EPB41L4B: variants seen among roughly 807,000 people sequenced by gnomAD.
EPB41L4B encodes the protein erythrocyte membrane protein band 4.1 like 4B.
Under a neutral mutation model 112.5 loss-of-function variants are expected in EPB41L4B, and 30 were observed. That is an observed-to-expected ratio of 0.27 (90% CI 0.20 to 0.36). The LOEUF is 0.36. EPB41L4B is among the 10% of genes least tolerant of loss of function. EPB41L4B has a pLI of 1.00. For synonymous variants in EPB41L4B, 408 were observed against 439.7 expected (o/e 0.93, Z 0.90); for missense variants, 1,024 against 1,133.3 (o/e 0.90, Z 1.38).
At chr9:109,291,478 G>A (rs1836526737) in intron 1 of EPB41L4B, among the ~76,000 whole-genome samples, 1 of 152,154 alleles carries the variant, frequency 6.6e-6, no homozygotes, top group Non-Finnish European at 1.5e-5. Context: ...CAGATTATTT[G>A]CTCACAAACT....
chr9:109,247,558 G>A (rs940071269), intron 14 of EPB41L4B, among the ~76,000 whole-genome samples, 198 bp downstream of exon 14: 1 of 152,080 alleles, frequency 6.6e-6, no homozygotes, highest in Non-Finnish European at 1.5e-5. Context: ...CCAAGAAGTG[G>A]CAGGGGTCAG....
intron 1 of EPB41L4B, among the ~76,000 whole-genome samples, chr9:109,288,536 C>G (rs971088725): frequency 1.3e-5 from 2 of 151,748 alleles, no homozygotes; most frequent in African/African-American, 4.8e-5. Flanking sequence ...CTGGCTAACA[C>G]GGTGAAACCC....
intron 4 of EPB41L4B, among the ~76,000 whole-genome samples, chr9:109,266,442 T>G (rs1835403486): frequency 6.6e-6 from 1 of 151,782 alleles, no homozygotes; most frequent in Non-Finnish European, 1.5e-5. Context: ...AGGGGTCATC[T>G]CCCTAAGAAC....
rs574865714 is a variant in EPB41L4B, at chr9:109,239,864, C to T, written c.1409+3754G>A. The T allele has an allele frequency of 1.1e-3, 1,095 of 985,446 alleles. 1 individual carries two copies. The highest frequency in any genetic ancestry group is 1.3e-3 in the Non-Finnish European group (1,056 of 829,960). 61.0% of individuals were successfully genotyped at this position (985,446 alleles called of 1,614,324 possible). On this transcript the variant is annotated intron_variant, in intron 15 of 25. Transcript: ENST00000374566. The stretch of plus-strand genomic sequence containing the variant: ...AGGACAAACACGTACCTTTACAGGA[C>T]TATTACTGAGGAAATCCCACTGCCA...
At chr9:109,224,223 C>A (rs1037454514) in intron 15 of EPB41L4B, among the ~76,000 whole-genome samples, 5 of 151,964 alleles carry the variant, frequency 3.3e-5, no homozygotes, top group African/African-American at 1.2e-4. Context: ...CAGGTCCATG[C>A]AAAAACTTAC....
intron 1 of EPB41L4B, among the ~76,000 whole-genome samples, chr9:109,316,664 C>A (rs763349661): frequency 6.6e-6 from 1 of 152,168 alleles, no homozygotes; most frequent in Admixed American, 6.5e-5. Flanking sequence ...GTTGGTAGGG[C>A]GAGCAAGGGC....
rs1386468711 is a variant in EPB41L4B, at chr9:109,252,782, G to A, written c.1279+659C>T. Among the ~76,000 whole-genome samples the A allele has an allele frequency of 2.6e-5, 4 of 152,146 alleles. 1 individual carries two copies. Among genetic ancestry groups the A allele is most frequent in the Non-Finnish European group, 5.9e-5 (4 of 68,006 alleles). On this transcript the variant is annotated intron_variant, in intron 12 of 25. Transcript: ENST00000374566. ...CGGGGAGCAACCTAGTGTAGAGAAAGAAGAGCTACAAGATGGGATCTGGAG... is the reference window on the plus strand; with the variant it reads ...CGGGGAGCAACCTAGTGTAGAGAAAAAAGAGCTACAAGATGGGATCTGGAG...
chr9:109,235,827 A>G lies in EPB41L4B; in HGVS notation c.1409+7791T>C, dbSNP rs555523550. Reference sequence around the variant, plus strand: ...ACATCTTTTGTATATAATGTCATTTATTGATAATTCTCTTATCAGTGAGAT... The same window carrying G: ...ACATCTTTTGTATATAATGTCATTTGTTGATAATTCTCTTATCAGTGAGAT... On this transcript the variant is annotated intron_variant, in intron 15 of 25. Transcript: ENST00000374566. Among the ~76,000 whole-genome samples, 3 of 152,346 alleles carry G rather than the reference A, an allele frequency of 2.0e-5. No individual in the cohort carries two copies. The South Asian group carries it at 6.2e-4, about 32-fold the overall frequency.
chr9:109,256,470 G>A lies in EPB41L4B; in HGVS notation c.763C>T (p.Pro255Ser). Residue 255 changes from proline (P) to serine (S), a missense_variant, in exon 8 of 26, where the codon CCT (proline) becomes TCT (serine). Pro to Ser is a moderately conservative substitution (Grantham distance 74). Coordinates refer to ENST00000374566, the MANE Select transcript of EPB41L4B (RefSeq NM_019114.5). ...AGATAGGAGAGTTCCGCCTGGGCAGGGCTCTTTCCCCTTAGAAAAACCAAT... is the reference window on the plus strand; with the variant it reads ...AGATAGGAGAGTTCCGCCTGGGCAGAGCTCTTTCCCCTTAGAAAAACCAAT... The part of the protein sequence containing the change: ...QRWKECRGKS[P>S]AQAELSYLNK... 1 of 1,614,056 alleles carries A rather than the reference G, an allele frequency of 6.2e-7. No individual in the cohort carries two copies.
At chr9:109,265,903 C>T (rs536094682) in intron 4 of EPB41L4B, among the ~76,000 whole-genome samples, 10 of 152,304 alleles carry the variant, frequency 6.6e-5, no homozygotes, top group East Asian at 1.9e-4. Context: ...AAAAACCAAT[C>T]GCTTTGATGA....
At chr9:109,264,659 C>T (rs1835335299) in intron 5 of EPB41L4B, among the ~76,000 whole-genome samples, 1 of 152,162 alleles carries the variant, frequency 6.6e-6, no homozygotes. Flanking sequence ...TAAGTGTATA[C>T]ATACTAATAA....
intron 1 of EPB41L4B, among the ~76,000 whole-genome samples, chr9:109,316,212 C>A (rs1433152887): frequency 6.6e-6 from 1 of 152,242 alleles, no homozygotes; most frequent in Non-Finnish European, 1.5e-5. Flanking sequence ...CACTGGACCA[C>A]AATGAGTCAA....
intron 2 of EPB41L4B, among the ~76,000 whole-genome samples, chr9:109,272,200 T>C (rs1835649449): frequency 6.6e-6 from 1 of 152,210 alleles, no homozygotes; most frequent in African/African-American, 2.4e-5. Context: ...CTCACACCTG[T>C]AATCTCAACA....
At chr9:109,272,758 C>CAT (rs896107214) in intron 2 of EPB41L4B, among the ~76,000 whole-genome samples, 1 of 152,026 alleles carries the variant, frequency 6.6e-6, no homozygotes, top group Non-Finnish European at 1.5e-5. Flanking sequence ...ATCTCAAATA[C>CAT]ATATATATAG....
At chr9:109,246,819 A>G (rs141605561) in intron 14 of EPB41L4B, among the ~76,000 whole-genome samples, 3 of 152,324 alleles carry the variant, frequency 2.0e-5, no homozygotes, top group Non-Finnish European at 4.4e-5. Flanking sequence ...CAGCCATAGA[A>G]ACGTACCTGT....
intron 20 of EPB41L4B, among the ~76,000 whole-genome samples, chr9:109,196,860 G>T (rs1233601360): frequency 6.6e-6 from 1 of 151,044 alleles, no homozygotes; most frequent in Non-Finnish European, 1.5e-5. Context: ...TGAGATTTTT[G>T]TCTGTATCTT....
At position 109,241,450 on chromosome 9, in the gene EPB41L4B, T is replaced by C. The variant is rs1247818688; in HGVS notation, c.1409+2168A>G. 3.9e-5 allele frequency: 52 copies of C among 1,330,260 alleles called. No homozygotes were observed. In the South Asian group the frequency reaches 9.0e-4, roughly 23 times the overall value. 82.4% of individuals were successfully genotyped at this position (1,330,260 alleles called of 1,614,324 possible). Reference sequence around the variant, plus strand: ...AACATCAATATGATTCCTGAGCCTTTACCTTCATTTTAATGAGAATGCAGT... The same window carrying C: ...AACATCAATATGATTCCTGAGCCTTCACCTTCATTTTAATGAGAATGCAGT... On this transcript the variant is annotated intron_variant, in intron 15 of 25. Transcript: ENST00000374566.
At position 109,320,282 on chromosome 9, in the gene EPB41L4B, C is replaced by T. The variant is rs1837817401; in HGVS notation, c.165G>A (p.Gly55=). 8.8e-7 allele frequency: 1 copy of T among 1,141,486 alleles called. No individual in the cohort carries two copies. The highest frequency in any genetic ancestry group is 4.9e-5 in the Admixed American group (1 of 20,206). 70.7% of individuals were successfully genotyped at this position (1,141,486 alleles called of 1,614,324 possible). A position where few individuals can be genotyped will look rare whatever the true frequency, so the allele number is the denominator to read the frequency against. ...CGCCGCCCGCCGGGAACACGCTGCC[C>T]CCGGGCGCGGCGGGCAGCGCCGAGG... ...ASSSALPAAP[G]GSVFPAGGGP... The change falls in exon 1 of 26, where the codon GGG becomes GGA. Residue 55 remains glycine (G), a synonymous_variant. Coordinates refer to ENST00000374566, the MANE Select transcript of EPB41L4B (RefSeq NM_019114.5).
chr9:109,294,796 TG>T (rs2119194218), intron 1 of EPB41L4B, among the ~76,000 whole-genome samples: 1 of 152,212 alleles, frequency 6.6e-6, no homozygotes, highest in African/African-American at 2.4e-5. Flanking sequence ...GAATCATAAG[TG>T]GGTGTTGTGT....
Sources: gnomAD v4.1 joint callset for allele counts (sites outside exome capture counted in the v4.1 genomes callset) on GRCh38, gnomAD v4.1.1 for gene constraint, MANE v1.5 for transcripts, NCBI Gene and HGNC (gene_info 2026-07-23, HGNC 2026-07-21) for gene names.